Variants in PACS2 observed in about 807,000 individuals in gnomAD.
PACS2 encodes PACS1-like protein.
In PACS2, 36 loss-of-function variants were observed where a neutral mutation model predicts 113.0. That is an observed-to-expected ratio of 0.32 (90% CI 0.24 to 0.42). PACS2 has a LOEUF of 0.42. PACS2 is among the 10% of genes least tolerant of loss of function. The probability of loss-of-function intolerance (pLI) is 1.00; values close to 1 mark genes in which losing one functional copy is unlikely to be tolerated. For missense variants in PACS2, 1,015 were observed against 1,239.5 expected (o/e 0.82, Z 2.72); for synonymous variants, 589 against 536.1 (o/e 1.10, Z -1.36).
chr14:105,385,011 A>G (rs782719582), intron 18 of PACS2, 24 bp downstream of exon 18: 2 of 1,405,310 alleles, frequency 1.4e-6, no homozygotes, highest in South Asian at 2.5e-5. Context: ...CCCAGGCACC[A>G]TACCACAGGC....
rs965061832 is a variant in PACS2, at chr14:105,330,650, G to A, written c.119+15613G>A. On this transcript the variant is annotated intron_variant, in intron 1 of 24. Coordinates refer to ENST00000447393, the MANE Select transcript of PACS2 (RefSeq NM_001100913.3). The surrounding 1 kb of genome is among the most constrained non-coding windows in gnomAD (Gnocchi z 6.9). ...CTCGCCCCTGTCTCCACGGAGCACCGTGGGACTCTGGCATCAGAATCCTGG... is the reference window on the plus strand; with the variant it reads ...CTCGCCCCTGTCTCCACGGAGCACCATGGGACTCTGGCATCAGAATCCTGG... 5.3e-5 allele frequency among the ~76,000 whole-genome samples: 8 copies of A among 152,214 alleles called. No individual in the cohort carries two copies. Among genetic ancestry groups the A allele is most frequent in the Non-Finnish European group, 7.3e-5 (5 of 68,030 alleles).
chr14:105,377,355 G>A lies in PACS2; in HGVS notation c.959+430G>A, dbSNP rs587696501. 9.9e-5 allele frequency among the ~76,000 whole-genome samples: 15 copies of A among 152,234 alleles called. No individual in the cohort carries two copies. In the East Asian group the frequency reaches 2.7e-3, roughly 28 times the overall value. Reference sequence around the variant, plus strand: ...AGGAGGCAGAGGCAGGTGGGGAGGGGGAGGGCAGGTGTCTCTGTGGCTGGA... The same window carrying A: ...AGGAGGCAGAGGCAGGTGGGGAGGGAGAGGGCAGGTGTCTCTGTGGCTGGA... On this transcript the variant is annotated intron_variant, in intron 9 of 24. Transcript: ENST00000447393.
chr14:105,333,088 G>T (rs764853004), intron 1 of PACS2, among the ~76,000 whole-genome samples: 50 of 149,098 alleles, frequency 3.4e-4, no homozygotes, highest in Admixed American at 1.9e-3. Context: ...ACCAACTGGC[G>T]TGGGTGTGAG....
At position 105,330,200 on chromosome 14, in the gene PACS2, G is replaced by T. The variant is rs2059253174; in HGVS notation, c.119+15163G>T. On this transcript the variant is annotated intron_variant, in intron 1 of 24. Coordinates refer to ENST00000447393, the MANE Select transcript of PACS2 (RefSeq NM_001100913.3). The surrounding 1 kb of genome is among the most constrained non-coding windows in gnomAD (Gnocchi z 6.9). ...GACGGAACGGGGACAGGGAGCCTCC[G>T]AGAAGCCTGGGGTCCGTGTGTGGGA... is the stretch of plus-strand genomic sequence containing the variant. 7.3e-6 allele frequency among the ~76,000 whole-genome samples: 1 copy of T among 136,248 alleles called. No individual in the cohort carries two copies. Among genetic ancestry groups the T allele is most frequent in the Admixed American group, 7.2e-5 (1 of 13,914 alleles). 89.4% of individuals were successfully genotyped at this position (136,248 alleles called of 152,430 possible).
At chr14:105,391,847 C>T in intron 22 of PACS2, 81 bp downstream of exon 22, 5 of 1,368,342 alleles carry the variant, frequency 3.7e-6, no homozygotes, top group Non-Finnish European at 4.9e-6. Flanking sequence ...TCCCCTATGT[C>T]ACATCCACCT....
intron 19 of PACS2, among the ~76,000 whole-genome samples, chr14:105,387,017 C>T (rs1378422385): frequency 6.6e-6 from 1 of 152,174 alleles, no homozygotes; most frequent in East Asian, 1.9e-4. Context: ...CCTTAGGGGG[C>T]CTTACACCCA....
intron 1 of PACS2, among the ~76,000 whole-genome samples, chr14:105,327,960 G>T (rs1225796121): frequency 1.3e-5 from 2 of 152,218 alleles, no homozygotes; most frequent in South Asian, 4.1e-4. Flanking sequence ...GCCACCCGAG[G>T]GGCCATTGAC....
chr14:105,329,640 C>G lies in PACS2; in HGVS notation c.119+14603C>G, dbSNP rs1237893879. Among the ~76,000 whole-genome samples the G allele has an allele frequency of 2.0e-5, 3 of 152,252 alleles. No individual in the cohort carries two copies. The South Asian group carries it at 6.2e-4, about 32-fold the overall frequency. On this transcript the variant is annotated intron_variant, in intron 1 of 24. Coordinates refer to ENST00000447393, the MANE Select transcript of PACS2 (RefSeq NM_001100913.3). The surrounding 1 kb of genome is among the most constrained non-coding windows in gnomAD (Gnocchi z 6.4). ...CTGGGCTTGGGGGCGGGGCTTCTCA[C>G]GATGGCTCAGGGAGGTCCAGACAGC... is the stretch of plus-strand genomic sequence containing the variant.
chr14:105,301,512 C>T (rs1487026508), intron 1 of PACS2, among the ~76,000 whole-genome samples: 1 of 148,372 alleles, frequency 6.7e-6, no homozygotes, highest in African/African-American at 2.5e-5. Flanking sequence ...GAGTGGTGGG[C>T]GGGGCCAGGG....
chr14:105,382,708 C>T, intron 14 of PACS2, 99 bp from the exon 15 acceptor site: 1 of 943,524 alleles, frequency 1.1e-6, no homozygotes, highest in Non-Finnish European at 1.6e-6. Flanking sequence ...CTGGACGTGC[C>T]TGGGGTCTCT....
At chr14:105,361,280 G>C (rs1217170994) in intron 4 of PACS2, among the ~76,000 whole-genome samples, 5 of 152,176 alleles carry the variant, frequency 3.3e-5, no homozygotes, top group Non-Finnish European at 7.3e-5. Context: ...GATCATTTGA[G>C]GTCAGGAGTT....
At chr14:105,302,177 G>T (rs897668280) in intron 1 of PACS2, among the ~76,000 whole-genome samples, 7 of 150,792 alleles carry the variant, frequency 4.6e-5, no homozygotes, top group Admixed American at 6.6e-5. Flanking sequence ...AGGAAATGCG[G>T]AAGACCCCAC....
At chr14:105,384,201 T>G in intron 16 of PACS2, 152 bp from the exon 17 acceptor site, 1 of 593,902 alleles carries the variant, frequency 1.7e-6, no homozygotes, top group Non-Finnish European at 3.0e-6. Flanking sequence ...GGAGGGGCAG[T>G]GGTGGCTTTC....
intron 2 of PACS2, among the ~76,000 whole-genome samples, chr14:105,350,760 AG>A (rs1250493466): frequency 6.6e-6 from 1 of 152,116 alleles, no homozygotes; most frequent in African/African-American, 2.4e-5. Context: ...AGGTCCTCTG[AG>A]GGGGGAATGC....
chr14:105,320,601 T>A (rs1022803428), intron 1 of PACS2, among the ~76,000 whole-genome samples: 1 of 152,112 alleles, frequency 6.6e-6, no homozygotes, highest in African/African-American at 2.4e-5. Context: ...CCTTGGCCTC[T>A]CAAAGAGCTG....
intron 1 of PACS2, among the ~76,000 whole-genome samples, chr14:105,319,665 T>C (rs2058814745): frequency 2.0e-5 from 3 of 152,254 alleles, no homozygotes; most frequent in Admixed American, 6.5e-5. Context: ...ATACTTTTCT[T>C]TCTTTCTCTT....
chr14:105,394,573 G>A lies in PACS2; in HGVS notation c.2616G>A (p.Glu872=). The change falls in exon 25 of 25, where the codon GAG becomes GAA. Residue 872 remains glutamate, a synonymous_variant. Transcript: ENST00000447393. ...NMLRVLIDGV[E]CSDVKFFQLA... ...CCACAGTCCTCATCGACGGCGTGGAGTGCAGCGACGTCAAGTTCTTCCAGC... is the reference window on the plus strand; with the variant it reads ...CCACAGTCCTCATCGACGGCGTGGAATGCAGCGACGTCAAGTTCTTCCAGC... 6.2e-7 allele frequency: 1 copy of A among 1,613,040 alleles called. No homozygotes were observed. Among genetic ancestry groups the A allele is most frequent in the Non-Finnish European group, 8.5e-7 (1 of 1,179,830 alleles).
chr14:105,304,905 C>T (rs1314319677), intron 1 of PACS2, among the ~76,000 whole-genome samples: 1 of 152,212 alleles, frequency 6.6e-6, no homozygotes, highest in Non-Finnish European at 1.5e-5. Context: ...TGATTCAATT[C>T]CCTCCCACCA....
intron 23 of PACS2, 25 bp downstream of exon 23, chr14:105,392,870 C>T: frequency 6.5e-7 from 1 of 1,537,074 alleles, no homozygotes; most frequent in Middle Eastern, 2.0e-4. Flanking sequence ...GCTATAAGGC[C>T]ACACGGCGCA....
Sources: gnomAD v4.1 joint callset for allele counts (sites outside exome capture counted in the v4.1 genomes callset) on GRCh38, gnomAD v4.1.1 for gene constraint, Gnocchi (gnomAD v3.1) non-coding constraint, MANE v1.5 for transcripts, NCBI Gene and HGNC (gene_info 2026-07-23, HGNC 2026-07-21) for gene names.